Variants in CEP89 observed in about 807,000 individuals in gnomAD.
CEP89 encodes centrosomal protein 89, also known as centrosomal protein of 89 kDa.
A neutral mutation model predicts 97.6 loss-of-function variants in CEP89; 95 were observed. That is an observed-to-expected ratio of 0.97 (90% CI 0.82 to 1.15). CEP89 has a LOEUF of 1.15. CEP89 is among the 50% of genes most tolerant of loss of function. CEP89 has a pLI of 0.00. For synonymous variants in CEP89, 354 were observed against 349.1 expected, an observed-to-expected ratio of 1.01 and a Z score of -0.16; for missense variants, 869 against 947.7, an observed-to-expected ratio of 0.92 and a Z score of 1.09.
At chr19:32,953,995 A>C (rs1274282863) in intron 3 of CEP89, among the ~76,000 whole-genome samples, 194 bp from the exon 4 acceptor site, 1 of 151,000 alleles carries the variant, frequency 6.6e-6, no homozygotes, top group Non-Finnish European at 1.5e-5. Flanking sequence ...CAGCCTAGTG[A>C]GTAGCTGGGA....
intron 9 of CEP89, among the ~76,000 whole-genome samples, chr19:32,930,861 A>C (rs764297945): frequency 8.6e-5 from 13 of 151,146 alleles, no homozygotes; most frequent in Non-Finnish European, 1.5e-4. Context: ...CAGCCGACAT[A>C]CACTTTCATT....
rs1555786908 is a variant in CEP89, at chr19:32,878,974, A to AT, written c.*187_*188insA. 85 of 466,238 alleles carry AT rather than the reference A, an allele frequency of 1.8e-4. No individual in the cohort carries two copies. The highest frequency in any genetic ancestry group is 2.1e-4 in the South Asian group (4 of 18,910). 28.9% of individuals were successfully genotyped at this position (466,238 alleles called of 1,614,324 possible). ...GAGACCCTAGCTCTAAAAAAAAAAA[A>AT]AAATTAAAAAATAAAGCAAAATGTT... On this transcript the variant is annotated 3_prime_UTR_variant, in exon 19 of 19. Coordinates refer to ENST00000305768, the MANE Select transcript of CEP89 (RefSeq NM_032816.5).
intron 5 of CEP89, among the ~76,000 whole-genome samples, chr19:32,946,645 G>A (rs2145948717): frequency 6.6e-6 from 1 of 152,280 alleles, no homozygotes; most frequent in Middle Eastern, 3.4e-3. Context: ...CCCAGTGGGA[G>A]ATAATTGAAT....
At chr19:32,927,777 G>T (rs967069917) in intron 9 of CEP89, among the ~76,000 whole-genome samples, 3 of 151,640 alleles carry the variant, frequency 2.0e-5, no homozygotes, top group Admixed American at 2.0e-4. Context: ...GCTAATTTTT[G>T]TATTTTTTGT....
In CEP89 at chr19:32,958,277, T is replaced by C. The variant is rs1335662806; in HGVS notation, c.305+1623A>G. ...TAGAAGGAAATACATTAAGTATTTATATAATACTAATAGTAGGAAGGGTCT... is the reference window on the plus strand; with the variant it reads ...TAGAAGGAAATACATTAAGTATTTACATAATACTAATAGTAGGAAGGGTCT... On this transcript the variant is annotated intron_variant, in intron 3 of 18. Coordinates refer to ENST00000305768, the MANE Select transcript of CEP89 (RefSeq NM_032816.5). 2.6e-5 allele frequency among the ~76,000 whole-genome samples: 4 copies of C among 152,080 alleles called. No individual in the cohort carries two copies. The South Asian group carries it at 6.2e-4, about 24-fold the overall frequency.
intron 17 of CEP89, among the ~76,000 whole-genome samples, chr19:32,884,581 A>AT (rs1298908454): frequency 6.6e-6 from 1 of 151,852 alleles, no homozygotes; most frequent in Non-Finnish European, 1.5e-5. Flanking sequence ...AATTAAAACA[A>AT]TTTTTTTTAG....
chr19:32,959,748 ACT>A (rs1971124676), intron 3 of CEP89, 150 bp downstream of exon 3: 4 of 731,832 alleles, frequency 5.5e-6, no homozygotes, highest in South Asian at 2.1e-5. Context: ...AGTGACTAAG[ACT>A]CTAGTCATAA....
chr19:32,896,592 A>AT (rs1325159353), intron 16 of CEP89, among the ~76,000 whole-genome samples: 1 of 152,188 alleles, frequency 6.6e-6, no homozygotes, highest in African/African-American at 2.4e-5. Flanking sequence ...AAGCACAGGC[A>AT]ACAAAAACAA....
In CEP89 at chr19:32,879,178, T is replaced by A. The variant is rs745960; in HGVS notation, c.2336A>T (p.His779Leu). 516,498 of 1,608,210 alleles carry A rather than the reference T, an allele frequency of 0.32. 89,299 individuals are homozygous for A. The highest frequency in any genetic ancestry group is 0.36 in the Non-Finnish European group (428,528 of 1,175,752). ...CDVCSYDLKSHAPTC is the reference protein window; with the variant it reads ...CDVCSYDLKSLAPTC ...CCGCAGATTCTAGCAGGTGGGGGCATGAGACTTCAGGTCATAGGAGCAGAC... is the reference window on the plus strand; with the variant it reads ...CCGCAGATTCTAGCAGGTGGGGGCAAGAGACTTCAGGTCATAGGAGCAGAC... Residue 779 changes from histidine (H) to leucine (L), a missense_variant, in exon 19 of 19, where the codon CAT becomes CTT. By Grantham distance (99) the His-to-Leu change is moderately conservative (BLOSUM62 -3). Coordinates refer to ENST00000305768, the MANE Select transcript of CEP89 (RefSeq NM_032816.5).
chr19:32,890,078 T>C (rs1969481182), intron 16 of CEP89, among the ~76,000 whole-genome samples: 1 of 152,150 alleles, frequency 6.6e-6, no homozygotes, highest in East Asian at 1.9e-4. Context: ...ATGGCCAGAC[T>C]GACCACACTC....
Position 32,914,125 on chromosome 19 carries a change from T to C in CEP89, c.1565+1212A>G, listed in dbSNP as rs540755919. On this transcript the variant is annotated intron_variant, in intron 14 of 18. Coordinates refer to ENST00000305768, the MANE Select transcript of CEP89 (RefSeq NM_032816.5). Reference sequence around the variant, plus strand: ...TGAGACCAGACCAGCCTGAGCAACATTGTAAAAAAACAGACATATGGTGGC... The same window carrying C: ...TGAGACCAGACCAGCCTGAGCAACACTGTAAAAAAACAGACATATGGTGGC... 1.2e-3 allele frequency among the ~76,000 whole-genome samples: 179 copies of C among 152,182 alleles called. 1 individual carries two copies. Among genetic ancestry groups the C allele is most frequent in the African/African-American group, 2.9e-3 (119 of 41,542 alleles).
chr19:32,925,903 G>A (rs534226431), intron 11 of CEP89, among the ~76,000 whole-genome samples: 348 of 152,090 alleles, frequency 2.3e-3, no homozygotes, highest in African/African-American at 8.2e-3. Context: ...TGGCTGTCCA[G>A]AAAGCCATGG....
chr19:32,939,734 G>A, intron 6 of CEP89, 123 bp downstream of exon 6: 1 of 541,130 alleles, frequency 1.8e-6, no homozygotes, highest in Non-Finnish European at 3.4e-6. Flanking sequence ...CTTAAGGGAA[G>A]ATTTATTTTT....
rs377156445 is a variant in CEP89 at position 32,932,681 on chromosome 19, T to C, written c.886+770A>G. 1.2e-4 allele frequency among the ~76,000 whole-genome samples: 18 copies of C among 151,962 alleles called. No individual in the cohort carries two copies. The East Asian group carries it at 1.5e-3, about 13-fold the overall frequency. The stretch of plus-strand genomic sequence containing the variant: ...CTTGGCCATGATAGTGGCTCATATC[T>C]AAAATCCCAGTGCTTTAAGTGGCCA... On this transcript the variant is annotated intron_variant, in intron 8 of 18. Transcript: ENST00000305768.
At chr19:32,900,040 T>C in intron 15 of CEP89, 42 bp from the exon 16 acceptor site, 3 of 1,589,520 alleles carry the variant, frequency 1.9e-6, no homozygotes, top group Non-Finnish European at 2.6e-6. Flanking sequence ...AGCCCATTAG[T>C]TTACATGGCT....
intron 14 of CEP89, among the ~76,000 whole-genome samples, chr19:32,907,678 C>T (rs1211952475): frequency 2.0e-5 from 3 of 152,170 alleles, no homozygotes; most frequent in Non-Finnish European, 4.4e-5. Context: ...TCTTGATCTC[C>T]TGACCTCAAG....
At position 32,877,049 on chromosome 19, in the gene CEP89, C is replaced by T. The variant is rs1459623060; in HGVS notation, c.*2113G>A. 1.3e-5 allele frequency: 2 copies of T among 152,252 alleles called. No individual in the cohort carries two copies. The highest frequency in any genetic ancestry group is 2.9e-5 in the Non-Finnish European group (2 of 68,044). 9.4% of individuals were successfully genotyped at this position (152,252 alleles called of 1,614,324 possible). On this transcript the variant is annotated 3_prime_UTR_variant, in exon 19 of 19. Transcript: ENST00000305768. Reference sequence around the variant, plus strand: ...CTGCCGCCGCCTGTCAGCCTGTCTACAGGAGGCTGCAGAGCGGCCGTAAAT... The same window carrying T: ...CTGCCGCCGCCTGTCAGCCTGTCTATAGGAGGCTGCAGAGCGGCCGTAAAT...
At chr19:32,905,255 AG>A in intron 14 of CEP89, among the ~76,000 whole-genome samples, 1 of 152,324 alleles carries the variant, frequency 6.6e-6, no homozygotes, top group African/African-American at 2.4e-5. Context: ...TTAGAATGTT[AG>A]AATTTAATAG....
chr19:32,967,874 G>A (rs1194933287), intron 1 of CEP89, among the ~76,000 whole-genome samples: 1 of 152,194 alleles, frequency 6.6e-6, no homozygotes, highest in African/African-American at 2.4e-5. Flanking sequence ...GCATGGTGGG[G>A]ACAATTCCCA....
Sources: allele counts gnomAD v4.1 joint callset (sites outside exome capture counted in the v4.1 genomes callset), GRCh38; gene constraint gnomAD v4.1.1; transcripts MANE v1.5; gene names NCBI Gene and HGNC (gene_info 2026-07-23, HGNC 2026-07-21).